The following TCF20 variants were observed in gnomAD, a reference collection of about 807,000 sequenced individuals.
TCF20 encodes SPRE-binding protein.
TCF20 carries 3 observed loss-of-function variants against 148.6 expected under a neutral mutation model. The ratio of observed to expected loss-of-function variants is 0.02; its 90% confidence interval spans 0.01 to 0.05. The LOEUF (loss-of-function observed/expected upper bound fraction) is 0.05. Among genes scored for constraint, TCF20 ranks in the 10% least tolerant of loss-of-function variants. TCF20 has a pLI of 1.00. For missense variants in TCF20, 2,350 were observed against 2,429.3 expected, an observed-to-expected ratio of 0.97 and a Z score of 0.69; for synonymous variants, 1,049 against 909.5, an observed-to-expected ratio of 1.15 and a Z score of -2.76.
chr22:42,252,021 T>G (rs1005796410), intron 1 of TCF20, among the ~76,000 whole-genome samples: 1 of 150,664 alleles, frequency 6.6e-6, no homozygotes, highest in Non-Finnish European at 1.5e-5. Flanking sequence ...CTGGCCAACG[T>G]GGCAAAACCC....
At chr22:42,226,237 T>C (rs1423455182) in intron 1 of TCF20, among the ~76,000 whole-genome samples, 22 of 152,216 alleles carry the variant, frequency 1.4e-4, no homozygotes, top group Admixed American at 1.4e-3. Flanking sequence ...TAGAGGCTCC[T>C]GTGGGATTTT....
rs542784790 is a variant in TCF20 at position 42,338,362 on chromosome 22, T to C, written c.-37+5117A>G. On this transcript the variant is annotated intron_variant, in intron 1 of 1. Coordinates refer to the TCF20 transcript ENST00000515426. This position sits in a 1 kb window ranked among gnomAD's most constrained non-coding sequence, Gnocchi z 4.0. ...CATCACCCCTGGCAGGCAGCAGATC[T>C]GCATTTTCACGGAGGCCTCAGGGGG... is the stretch of plus-strand genomic sequence containing the variant. Among the ~76,000 whole-genome samples the C allele has an allele frequency of 2.0e-5, 3 of 152,298 alleles. No individual in the cohort carries two copies. The highest frequency in any genetic ancestry group is 6.5e-5 in the Admixed American group (1 of 15,300).
chr22:42,320,655 G>A (rs1335685897), intron 1 of TCF20, among the ~76,000 whole-genome samples: 1 of 152,222 alleles, frequency 6.6e-6, no homozygotes, highest in Non-Finnish European at 1.5e-5. Flanking sequence ...TGCTCAACAC[G>A]TGTGAGGGGA....
intron 1 of TCF20, among the ~76,000 whole-genome samples, chr22:42,293,591 T>C (rs1043406971): frequency 6.6e-6 from 1 of 152,082 alleles, no homozygotes; most frequent in Admixed American, 6.5e-5. Flanking sequence ...CTTCAGGCTA[T>C]GGGAAGGGGA....
At chr22:42,303,592 G>C (rs1170717342) in intron 1 of TCF20, among the ~76,000 whole-genome samples, 1 of 152,234 alleles carries the variant, frequency 6.6e-6, no homozygotes, top group African/African-American at 2.4e-5. Context: ...ATTCTGGACT[G>C]TCTGGCCTCA....
At chr22:42,298,951 C>T (rs558718017) in intron 1 of TCF20, among the ~76,000 whole-genome samples, 19 of 152,310 alleles carry the variant, frequency 1.2e-4, no homozygotes, top group Non-Finnish European at 2.1e-4. Context: ...AGGGAGGGGC[C>T]GGGCACCACG....
chr22:42,176,625 T>C (rs1307068443), intron 3 of TCF20, among the ~76,000 whole-genome samples: 1 of 152,206 alleles, frequency 6.6e-6, no homozygotes, highest in Non-Finnish European at 1.5e-5. Flanking sequence ...CTGCCTTCTC[T>C]CACCACTTTT....
intron 1 of TCF20, among the ~76,000 whole-genome samples, chr22:42,242,730 T>C (rs544872916): frequency 6.6e-6 from 1 of 151,868 alleles, no homozygotes; most frequent in East Asian, 1.9e-4. Context: ...CTACTAAAAA[T>C]ACAAAACTTG....
chr22:42,224,711 T>C (rs1438465353), intron 1 of TCF20, among the ~76,000 whole-genome samples: 1 of 152,072 alleles, frequency 6.6e-6, no homozygotes, highest in Non-Finnish European at 1.5e-5. Context: ...ATTAAACAAA[T>C]TATGGTATAT....
upstream of TCF20, among the ~76,000 whole-genome samples, chr22:42,272,348 C>A (rs545946408): frequency 6.6e-6 from 1 of 152,332 alleles, no homozygotes; most frequent in African/African-American, 2.4e-5. Flanking sequence ...GAATGCAGGG[C>A]CTCCTGAAGA....
At chr22:42,242,963 G>A (rs2147318399) in intron 1 of TCF20, among the ~76,000 whole-genome samples, 1 of 152,134 alleles carries the variant, frequency 6.6e-6, no homozygotes, top group East Asian at 1.9e-4. Flanking sequence ...GTGGCTACAT[G>A]ACTTTAGCTA....
intron 2 of TCF20, among the ~76,000 whole-genome samples, chr22:42,183,429 C>A (rs1009145085): frequency 2.6e-5 from 4 of 152,336 alleles, no homozygotes; most frequent in East Asian, 3.9e-4. Context: ...CGATTCCCCC[C>A]CAGAGGGAGT....
intron 5 of TCF20, among the ~76,000 whole-genome samples, chr22:42,165,991 C>T (rs1935761961): frequency 6.6e-6 from 1 of 152,168 alleles, no homozygotes. Flanking sequence ...GCTCTCTGTC[C>T]CCAGCATGGG....
intron 1 of TCF20, among the ~76,000 whole-genome samples, chr22:42,248,418 C>T (rs1925096382): frequency 6.6e-6 from 1 of 152,158 alleles, no homozygotes; most frequent in African/African-American, 2.4e-5. Context: ...AGATAAAATA[C>T]TGACTTTATT....
In TCF20 at chr22:42,211,817, G is replaced by A. The variant is rs1345516376; in HGVS notation, c.3489C>T (p.Cys1163=). ...TAGGCAGACCATCACTAGACATTAG[G>A]CAGCGCCCAGCCTCCTGGGCACTGG... The part of the protein sequence containing the change: ...HDPSAQEAGR[C]LMSSDGLPNK... Residue 1163 remains cysteine (C), a synonymous_variant, in exon 2 of 6, where the codon TGC becomes TGT. Coordinates refer to ENST00000677622, the MANE Select transcript of TCF20 (RefSeq NM_001378418.1). 2 of 1,614,020 alleles carry A rather than the reference G, an allele frequency of 1.2e-6. No individual in the cohort carries two copies. Among genetic ancestry groups the A allele is most frequent in the African/African-American group, 1.3e-5 (1 of 74,876 alleles).
At chr22:42,183,913 C>T (rs564785720) in intron 2 of TCF20, among the ~76,000 whole-genome samples, 17 of 152,108 alleles carry the variant, frequency 1.1e-4, no homozygotes, top group Admixed American at 4.6e-4. Flanking sequence ...GGATTACAGG[C>T]ACCTGCCACC....
chr22:42,189,591 G>A (rs1937223812), intron 2 of TCF20, among the ~76,000 whole-genome samples: 1 of 152,204 alleles, frequency 6.6e-6, no homozygotes, highest in African/African-American at 2.4e-5. Flanking sequence ...TTGTCTTAGA[G>A]TTATGATTCT....
At chr22:42,328,050 G>A (rs766294718) in intron 1 of TCF20, among the ~76,000 whole-genome samples, 8 of 151,986 alleles carry the variant, frequency 5.3e-5, no homozygotes, top group African/African-American at 9.7e-5. Flanking sequence ...TGTCAGCTGC[G>A]ACGTTACTTT....
At chr22:42,165,337 G>C (rs1364307578) in intron 5 of TCF20, among the ~76,000 whole-genome samples, 1 of 152,260 alleles carries the variant, frequency 6.6e-6, no homozygotes, top group Non-Finnish European at 1.5e-5. Flanking sequence ...TAGCATCCAG[G>C]ATGCAGCATT....
Sources: gnomAD v4.1 joint callset for allele counts (sites outside exome capture counted in the v4.1 genomes callset) on GRCh38, gnomAD v4.1.1 for gene constraint, Gnocchi (gnomAD v3.1) non-coding constraint, MANE v1.5 for transcripts, NCBI Gene and HGNC (gene_info 2026-07-23, HGNC 2026-07-21) for gene names.